Variants in INPP4B observed in about 807,000 individuals in gnomAD.
INPP4B encodes the protein inositol polyphosphate 4-phosphatase type II.
Under a neutral mutation model 122.5 loss-of-function variants are expected in INPP4B, and 55 were observed. That is an observed-to-expected ratio of 0.45 (90% CI 0.36 to 0.56). The LOEUF is 0.56. Ranked by LOEUF, INPP4B falls within the 20% of genes least tolerant of loss-of-function variation. The probability of loss-of-function intolerance (pLI) is 0.00; values close to 1 mark genes in which losing one functional copy is unlikely to be tolerated. For missense variants in INPP4B, 1,000 were observed against 1,097.7 expected, an observed-to-expected ratio of 0.91 and a Z score of 1.26; for synonymous variants, 403 against 388.7, an observed-to-expected ratio of 1.04 and a Z score of -0.43.
intron 25 of INPP4B, among the ~76,000 whole-genome samples, chr4:142,074,658 A>C (rs1364356789): frequency 6.6e-6 from 1 of 152,128 alleles, no homozygotes; most frequent in African/African-American, 2.4e-5. Flanking sequence ...CTAGGGCAAT[A>C]GATAAATTGT....
At chr4:142,653,579 T>C (rs996196265) in intron 2 of INPP4B, among the ~76,000 whole-genome samples, 3 of 152,000 alleles carry the variant, frequency 2.0e-5, no homozygotes, top group Admixed American at 6.6e-5. Flanking sequence ...AGACACTTCA[T>C]AAAAGAAGAC....
At chr4:142,336,565 G>C (rs1219727613) in intron 7 of INPP4B, among the ~76,000 whole-genome samples, 11 of 152,278 alleles carry the variant, frequency 7.2e-5, no homozygotes, top group Admixed American at 7.2e-4. Flanking sequence ...CACACCAGGG[G>C]TTGGGGGAAG....
chr4:142,355,681 T>A (rs1360816436), intron 7 of INPP4B, among the ~76,000 whole-genome samples: 1 of 152,038 alleles, frequency 6.6e-6, no homozygotes, highest in Non-Finnish European at 1.5e-5. Flanking sequence ...GCACAGAGAA[T>A]CTTTATATAA....
chr4:142,186,239 A>C (rs968825821), intron 15 of INPP4B, among the ~76,000 whole-genome samples: 3 of 152,258 alleles, frequency 2.0e-5, no homozygotes, highest in Non-Finnish European at 2.9e-5. Flanking sequence ...TGTGCCAGGC[A>C]CAGTTATAAA....
intron 2 of INPP4B, among the ~76,000 whole-genome samples, chr4:142,619,329 A>G (rs1055751113): frequency 2.0e-5 from 3 of 152,116 alleles, no homozygotes; most frequent in African/African-American, 7.2e-5. Flanking sequence ...AAGATGTGGA[A>G]ACAACCTACA....
At chr4:142,660,130 A>G (rs1754896798) in intron 2 of INPP4B, among the ~76,000 whole-genome samples, 1 of 152,192 alleles carries the variant, frequency 6.6e-6, no homozygotes, top group Non-Finnish European at 1.5e-5. Context: ...TACTGACATT[A>G]GGTGGGAAAG....
chr4:142,703,431 G>A (rs1361852407), intron 2 of INPP4B, among the ~76,000 whole-genome samples: 1 of 152,062 alleles, frequency 6.6e-6, no homozygotes, highest in Admixed American at 6.6e-5. Context: ...ACATTATGAG[G>A]GGCAGAGATG....
chr4:142,673,848 G>A lies in INPP4B; in HGVS notation c.-191+51991C>T, dbSNP rs534713269. Among the ~76,000 whole-genome samples the A allele has an allele frequency of 8.5e-5, 13 of 152,120 alleles. No individual in the cohort carries two copies. In the South Asian group the frequency reaches 2.3e-3, roughly 27 times the overall value. ...TCCAGAAAGAGCTATTCCTAGATGC[G>A]GTCAATTACTATGTAAAGCAAGTGA... On this transcript the variant is annotated intron_variant, in intron 2 of 25. Transcript: ENST00000262992.
At chr4:142,715,091 A>T (rs1763593740) in intron 2 of INPP4B, among the ~76,000 whole-genome samples, 1 of 152,212 alleles carries the variant, frequency 6.6e-6, no homozygotes, top group African/African-American at 2.4e-5. Context: ...GTCCTCTCCC[A>T]GAGCTCAAAC....
At chr4:142,268,842 A>G (rs1744320129) in intron 10 of INPP4B, among the ~76,000 whole-genome samples, 1 of 152,192 alleles carries the variant, frequency 6.6e-6, no homozygotes, top group South Asian at 2.1e-4. Context: ...AGGAAAGTTA[A>G]GATTGGGAAC....
intron 3 of INPP4B, among the ~76,000 whole-genome samples, chr4:142,436,818 A>AC (rs1163256796): frequency 6.6e-6 from 1 of 151,616 alleles, no homozygotes; most frequent in Non-Finnish European, 1.5e-5. Context: ...ATAAAAAAAA[A>AC]AAAAGATGAA....
chr4:142,669,376 A>G lies in INPP4B; in HGVS notation c.-191+56463T>C, dbSNP rs184863499. Among the ~76,000 whole-genome samples the G allele has an allele frequency of 7.2e-5, 11 of 152,322 alleles. No homozygotes were observed. In the East Asian group the frequency reaches 1.9e-3, roughly 27 times the overall value. ...GCCAAAGTAATCTGAAACAAAAAGAACAAAGCTGAAGGCATCATACTACCT... is the reference window on the plus strand; with the variant it reads ...GCCAAAGTAATCTGAAACAAAAAGAGCAAAGCTGAAGGCATCATACTACCT... On this transcript the variant is annotated intron_variant, in intron 2 of 25. Coordinates refer to ENST00000262992, the MANE Select transcript of INPP4B (RefSeq NM_001101669.3).
chr4:142,807,955 A>G (rs1222721551), intron 1 of INPP4B, among the ~76,000 whole-genome samples: 1 of 152,184 alleles, frequency 6.6e-6, no homozygotes, highest in Non-Finnish European at 1.5e-5. Context: ...CAGGTACCAC[A>G]GGTGGTGTTT....
At chr4:142,583,726 AC>A in intron 2 of INPP4B, 1 of 152,230 alleles carries the variant, frequency 6.6e-6, no homozygotes, top group Middle Eastern at 3.4e-3. Context: ...ATATTGAACT[AC>A]CTACATGTGT....
In INPP4B at chr4:142,068,429, A is replaced by C. The variant is rs530158258; in HGVS notation, c.2642+13602T>G. ...TAGGAAGAAACTGCATCAACTAACG[A>C]GCAAAATAACCAGCTAACATCATAA... On this transcript the variant is annotated intron_variant, in intron 25 of 25. Transcript: ENST00000262992. 1.1e-4 allele frequency among the ~76,000 whole-genome samples: 17 copies of C among 152,304 alleles called. No individual in the cohort carries two copies. The South Asian group carries it at 3.5e-3, about 32-fold the overall frequency.
intron 7 of INPP4B, among the ~76,000 whole-genome samples, chr4:142,348,277 T>C (rs929149236): frequency 1.3e-5 from 2 of 152,076 alleles, no homozygotes; most frequent in East Asian, 1.9e-4. Context: ...CCTTTCATTA[T>C]TGATTGGCTT....
At chr4:142,387,196 T>A (rs1449735154) in intron 7 of INPP4B, among the ~76,000 whole-genome samples, 1 of 152,014 alleles carries the variant, frequency 6.6e-6, no homozygotes, top group African/African-American at 2.4e-5. Context: ...GTTGTAAAAA[T>A]TTGTCCATTA....
chr4:142,603,497 GAC>G (rs1171720820), intron 2 of INPP4B, among the ~76,000 whole-genome samples: 1 of 150,396 alleles, frequency 6.6e-6, no homozygotes, highest in Non-Finnish European at 1.5e-5. Context: ...AGAGATAAGA[GAC>G]AAAAAAAATC....
chr4:142,216,652 C>T (rs1478748825), intron 12 of INPP4B, among the ~76,000 whole-genome samples: 5 of 152,142 alleles, frequency 3.3e-5, no homozygotes, highest in South Asian at 4.1e-4. Context: ...AAAACACATG[C>T]TTTTTATTTT....
Sources: allele counts gnomAD v4.1 joint callset (sites outside exome capture counted in the v4.1 genomes callset), GRCh38; gene constraint gnomAD v4.1.1; transcripts MANE v1.5; gene names NCBI Gene and HGNC (gene_info 2026-07-23, HGNC 2026-07-21).